The following TAF4B variants were observed in gnomAD, a reference collection of about 807,000 sequenced individuals.
TAF4B encodes the protein TATA-box binding protein associated factor 4b.
In TAF4B, 38 loss-of-function variants were observed where a neutral mutation model predicts 86.4. That is an observed-to-expected ratio of 0.44 (90% CI 0.34 to 0.58). The LOEUF (loss-of-function observed/expected upper bound fraction) is 0.58. Among genes scored for constraint, TAF4B ranks in the 20% least tolerant of loss-of-function variants. The probability of loss-of-function intolerance (pLI) is 0.02; values close to 1 mark genes in which losing one functional copy is unlikely to be tolerated. For missense variants in TAF4B, 988 were observed against 1,027.6 expected (o/e 0.96, Z 0.53); for synonymous variants, 388 against 391.2 (o/e 0.99, Z 0.10).
chr18:26,265,598 G>C (rs2056228850), intron 2 of TAF4B, among the ~76,000 whole-genome samples: 1 of 152,136 alleles, frequency 6.6e-6, no homozygotes, highest in South Asian at 2.1e-4. Context: ...TCTCTCCCAG[G>C]CTGGAGTACA....
At chr18:26,292,455 C>A in intron 8 of TAF4B, 74 bp downstream of exon 8, 2 of 1,488,188 alleles carry the variant, frequency 1.3e-6, no homozygotes, top group South Asian at 1.3e-5. Context: ...TTTTTTGTTG[C>A]TGTGTTAAGA....
In TAF4B at chr18:26,275,045, C is replaced by T. The variant is rs758348047; in HGVS notation, c.874C>T (p.Gln292Ter). ...MGQNVKKLVE[Q>*]LLDAKIEAEE... ...GCAAAATGTGAAGAAGCTGGTGGAA[C>T]AACTTTTGGTAAGTAGTGCTATAAA... is the stretch of plus-strand genomic sequence containing the variant. The change falls in exon 5 of 15, where the codon CAA becomes TAA. Residue 292 changes from glutamine to a stop codon, truncating the protein, a stop_gained. Coordinates refer to ENST00000269142, the MANE Select transcript of TAF4B (RefSeq NM_005640.3). LOFTEE classifies it high-confidence loss of function. 6.2e-7 allele frequency: 1 copy of T among 1,609,656 alleles called. No individual in the cohort carries two copies. Among genetic ancestry groups the T allele is most frequent in the Non-Finnish European group, 8.5e-7 (1 of 1,179,270 alleles).
chr18:26,319,946 G>A (rs1179306300), intron 10 of TAF4B, among the ~76,000 whole-genome samples: 1 of 152,122 alleles, frequency 6.6e-6, no homozygotes, highest in East Asian at 1.9e-4. Context: ...TTCCCTGCCT[G>A]AATCTGAGAT....
chr18:26,347,942 GA>G (rs1489308115), intron 13 of TAF4B, among the ~76,000 whole-genome samples: 1 of 152,162 alleles, frequency 6.6e-6, no homozygotes, highest in Non-Finnish European at 1.5e-5. Flanking sequence ...GATCTAAAGG[GA>G]AAGATAGATC....
At chr18:26,274,593 G>A in intron 3 of TAF4B, 70 bp from the exon 4 acceptor site, 2 of 1,546,940 alleles carry the variant, frequency 1.3e-6, no homozygotes, top group Non-Finnish European at 1.8e-6. Flanking sequence ...TGTCTGATGA[G>A]TGTGAAATGA....
chr18:26,277,664 T>C (rs1262463957), intron 5 of TAF4B, among the ~76,000 whole-genome samples: 3 of 152,200 alleles, frequency 2.0e-5, no homozygotes, highest in East Asian at 1.9e-4. Flanking sequence ...TTTTTAAAAA[T>C]AGCTTTTCTC....
intron 1 of TAF4B, among the ~76,000 whole-genome samples, chr18:26,242,208 G>C (rs1473706898): frequency 1.3e-5 from 2 of 152,148 alleles, no homozygotes; most frequent in Non-Finnish European, 2.9e-5. Flanking sequence ...CATTATTATT[G>C]TGTGGGATTC....
At chr18:26,290,873 A>G (rs958730788) in intron 7 of TAF4B, among the ~76,000 whole-genome samples, 2 of 152,244 alleles carry the variant, frequency 1.3e-5, no homozygotes, top group South Asian at 4.1e-4. Flanking sequence ...GTCTGAATGC[A>G]TAAAATGAGA....
intron 13 of TAF4B, among the ~76,000 whole-genome samples, chr18:26,336,052 T>C (rs1255957407): frequency 6.6e-6 from 1 of 152,184 alleles, no homozygotes; most frequent in Non-Finnish European, 1.5e-5. Flanking sequence ...TGTGAAATTT[T>C]TCACTTGACC....
At chr18:26,242,947 A>G (rs939569108) in intron 1 of TAF4B, among the ~76,000 whole-genome samples, 5 of 152,212 alleles carry the variant, frequency 3.3e-5, no homozygotes, top group Admixed American at 6.5e-5. Flanking sequence ...TTCTGCCAAG[A>G]TATCTGCTGT....
chr18:26,245,618 G>A (rs773092207), intron 1 of TAF4B, among the ~76,000 whole-genome samples: 1 of 152,008 alleles, frequency 6.6e-6, no homozygotes, highest in Non-Finnish European at 1.5e-5. Context: ...TTTACAAAAC[G>A]CTGATTGGTG....
chr18:26,383,529 A>C (rs1284663922), intron 14 of TAF4B, among the ~76,000 whole-genome samples: 2 of 152,212 alleles, frequency 1.3e-5, no homozygotes, highest in African/African-American at 4.8e-5. Context: ...GGATACTTAT[A>C]ATACATTCAA....
intron 13 of TAF4B, among the ~76,000 whole-genome samples, chr18:26,352,955 G>T (rs1345860014): frequency 1.3e-5 from 2 of 152,112 alleles, no homozygotes; most frequent in Admixed American, 6.5e-5. Flanking sequence ...CCTTCTAAGA[G>T]AGATACCAGA....
chr18:26,237,636 C>G (rs1008691634), intron 1 of TAF4B, among the ~76,000 whole-genome samples: 9 of 152,066 alleles, frequency 5.9e-5, no homozygotes, highest in African/African-American at 2.2e-4. Context: ...ATGTAGATTG[C>G]AAGCTTTGCA....
At chr18:26,259,860 C>G (rs1452112823) in intron 1 of TAF4B, among the ~76,000 whole-genome samples, 1 of 152,034 alleles carries the variant, frequency 6.6e-6, no homozygotes, top group Admixed American at 6.5e-5. Context: ...AATTGCCACA[C>G]TGTCTTCCAC....
At chr18:26,267,387 A>G in intron 2 of TAF4B, 129 bp from the exon 3 acceptor site, 3 of 641,798 alleles carry the variant, frequency 4.7e-6, no homozygotes. Context: ...CATAAAACAC[A>G]TTAGGTTATA....
Position 26,315,122 on chromosome 18 carries a change from C to CTCTCTCTCTCTCTG in TAF4B, c.1833-94_1833-93insGTCTCTCTCTCTCT, listed in dbSNP as rs1568147806. 7.6e-5 allele frequency: 23 copies of CTCTCTCTCTCTCTG among 302,590 alleles called. No individual in the cohort carries two copies. In the African/African-American group the frequency reaches 8.7e-4, roughly 12 times the overall value. The allele number at this position is 302,590 out of a possible 1,614,324, so 18.7% of individuals were successfully genotyped here. ...TCTCTCTCTCTCTCTCTCTCTCTCT[C>CTCTCTCTCTCTCTG]TCTCTCTCTCTCTCTCTCTCTCTGT... On this transcript the variant is annotated intron_variant, in intron 9 of 14. Transcript: ENST00000269142.
intron 5 of TAF4B, among the ~76,000 whole-genome samples, chr18:26,279,985 A>G (rs887404377): frequency 6.6e-6 from 1 of 151,920 alleles, no homozygotes; most frequent in African/African-American, 2.4e-5. Context: ...GGGAGGTTGC[A>G]GTGGGCCAAG....
chr18:26,335,969 C>T (rs2057086922), intron 13 of TAF4B, among the ~76,000 whole-genome samples: 1 of 151,980 alleles, frequency 6.6e-6, no homozygotes, highest in Non-Finnish European at 1.5e-5. Context: ...CTGGAGTTGC[C>T]CCCAGAGCTG....
Sources: gnomAD v4.1 joint callset for allele counts (sites outside exome capture counted in the v4.1 genomes callset) on GRCh38, gnomAD v4.1.1 for gene constraint, MANE v1.5 for transcripts, NCBI Gene and HGNC (gene_info 2026-07-23, HGNC 2026-07-21) for gene names.